Variants in PPFIBP1 observed in about 807,000 individuals in gnomAD.
The protein encoded by PPFIBP1 is PPFIB scaffold protein 1.
PPFIBP1 carries 112 observed loss-of-function variants against 137.8 expected under a neutral mutation model. The ratio of observed to expected loss-of-function variants is 0.81; its 90% CI spans 0.70 to 0.95. The LOEUF is 0.95. PPFIBP1 is among the 40% of genes least tolerant of loss of function. The pLI, the probability that PPFIBP1 is intolerant of heterozygous loss-of-function variation, is 0.00. For synonymous variants in PPFIBP1, 378 were observed against 417.3 expected (o/e 0.91, Z 1.15); for missense variants, 1,083 against 1,196.6 (o/e 0.91, Z 1.40).
At position 27,672,548 on chromosome 12, in the gene PPFIBP1, C is replaced by T. The variant is rs887160699; in HGVS notation, c.1319+65C>T. On this transcript the variant is annotated intron_variant, in intron 15 of 29. Transcript: ENST00000228425. Reference sequence around the variant, plus strand: ...GCTAGAGAAAGAGAGTTCTGTTATACTAACAATTACTAATATTAACAGCAA... The same window carrying T: ...GCTAGAGAAAGAGAGTTCTGTTATATTAACAATTACTAATATTAACAGCAA... 8.8e-6 allele frequency: 10 copies of T among 1,136,164 alleles called. No individual in the cohort carries two copies. In the African/African-American group the frequency reaches 1.2e-4, roughly 14 times the overall value. 70.4% of individuals were successfully genotyped at this position (1,136,164 alleles called of 1,614,324 possible). A position where few individuals can be genotyped will look rare whatever the true frequency, so the allele number is the denominator to read the frequency against.
At chr12:27,681,484 T>G (rs1406240538) in intron 21 of PPFIBP1, 62 bp from the exon 22 acceptor site, 1 of 1,554,902 alleles carries the variant, frequency 6.4e-7, no homozygotes, top group African/African-American at 1.4e-5. Context: ...TGTTTAAAAC[T>G]AATGATAAGC....
At chr12:27,687,978 A>T (rs2061299755) in intron 25 of PPFIBP1, among the ~76,000 whole-genome samples, 1 of 152,086 alleles carries the variant, frequency 6.6e-6, no homozygotes, top group South Asian at 2.1e-4. Context: ...CCAGCTACTC[A>T]GGAGGCTGAG....
chr12:27,578,079 G>A (rs1347201159), intron 1 of PPFIBP1, 73 bp from the exon 2 acceptor site: 2 of 152,098 alleles, frequency 1.3e-5, no homozygotes, highest in African/African-American at 2.4e-5. Flanking sequence ...TATATAATCA[G>A]CCATTTGCCA....
chr12:27,636,318 C>G (rs1177076992), intron 4 of PPFIBP1: 2 of 152,106 alleles, frequency 1.3e-5, no homozygotes, highest in Admixed American at 1.3e-4. Flanking sequence ...ATTTGCTCTA[C>G]AGATTTCTCC....
intron 7 of PPFIBP1, among the ~76,000 whole-genome samples, chr12:27,652,419 GAA>G (rs1303105181): frequency 1.3e-5 from 2 of 152,188 alleles, no homozygotes; most frequent in African/African-American, 2.4e-5. Flanking sequence ...CTCTGAAAGG[GAA>G]AAGAGAAAGG....
At chr12:27,556,224 A>G (rs560045866) in intron 1 of PPFIBP1, among the ~76,000 whole-genome samples, 2 of 152,314 alleles carry the variant, frequency 1.3e-5, no homozygotes, top group Non-Finnish European at 2.9e-5. Flanking sequence ...GATGGCTAAT[A>G]ATATTTTCCA....
intron 10 of PPFIBP1, 30 bp from the exon 11 acceptor site, chr12:27,660,854 A>G: frequency 6.2e-7 from 1 of 1,612,082 alleles, no homozygotes. Context: ...ATGTGAACTG[A>G]ACTGACTTCT....
intron 2 of PPFIBP1, among the ~76,000 whole-genome samples, chr12:27,591,298 C>T (rs373429898): frequency 4.6e-5 from 7 of 152,046 alleles, no homozygotes; most frequent in South Asian, 2.1e-4. Context: ...AGAAGGAGGA[C>T]GTTGAGTGAA....
chr12:27,579,406 A>G (rs2050864295), intron 2 of PPFIBP1, among the ~76,000 whole-genome samples: 1 of 152,236 alleles, frequency 6.6e-6, no homozygotes, highest in Non-Finnish European at 1.5e-5. Flanking sequence ...CAGCACCTTG[A>G]TGAGTAGAAA....
At chr12:27,539,006 C>G (rs1160290143) in intron 1 of PPFIBP1, among the ~76,000 whole-genome samples, 1 of 152,158 alleles carries the variant, frequency 6.6e-6, no homozygotes, top group African/African-American at 2.4e-5. Context: ...GGCTAACCAT[C>G]CTACAATGCA....
At chr12:27,627,681 A>T (rs779709352) in intron 2 of PPFIBP1, among the ~76,000 whole-genome samples, 1 of 152,186 alleles carries the variant, frequency 6.6e-6, no homozygotes, top group South Asian at 2.1e-4. Context: ...GCAAAAAATT[A>T]TGGTGTCCTG....
intron 1 of PPFIBP1, among the ~76,000 whole-genome samples, chr12:27,556,054 A>G (rs2048679405): frequency 6.6e-6 from 1 of 152,220 alleles, no homozygotes; most frequent in Admixed American, 6.5e-5. Flanking sequence ...GAATACATCT[A>G]TTGCTTTTGA....
rs576578655 is a variant in PPFIBP1, at chr12:27,542,704, AT to A, written c.-124+18344del. On this transcript the variant is annotated intron_variant, in intron 1 of 29. Coordinates refer to ENST00000228425, the MANE Select transcript of PPFIBP1 (RefSeq NM_003622.4). ...AAACACTTCTTTATCTGATCTATTT[AT>A]TTTTCTGTTGAGTAGACTTTCTTTT... is the stretch of plus-strand genomic sequence containing the variant. Among the ~76,000 whole-genome samples the A allele has an allele frequency of 2.4e-3, 361 of 152,146 alleles. 1 individual carries two copies. Among genetic ancestry groups the A allele is most frequent in the South Asian group, 7.9e-3 (38 of 4,816 alleles).
rs1240999818 is a variant in PPFIBP1, at chr12:27,644,152, C to T, written c.271-1910C>T. Among the ~76,000 whole-genome samples the T allele has an allele frequency of 2.6e-5, 4 of 151,976 alleles. No individual in the cohort carries two copies. The South Asian group carries it at 8.4e-4, about 32-fold the overall frequency. On this transcript the variant is annotated intron_variant, in intron 4 of 29. Coordinates refer to ENST00000228425, the MANE Select transcript of PPFIBP1 (RefSeq NM_003622.4). The stretch of plus-strand genomic sequence containing the variant: ...AGTGCAGTGGCGCAAACATGGCTGA[C>T]TGTAGCCTCCACCTCCTGGGCTCAA...
At chr12:27,619,362 T>C (rs923101174) in intron 2 of PPFIBP1, among the ~76,000 whole-genome samples, 124 of 152,224 alleles carry the variant, frequency 8.1e-4, no homozygotes, top group Non-Finnish European at 1.6e-3. Flanking sequence ...AGAAAAAGTC[T>C]GTAAATGTTT....
intron 1 of PPFIBP1, among the ~76,000 whole-genome samples, chr12:27,540,211 C>T (rs1012060097): frequency 6.6e-6 from 1 of 151,076 alleles, no homozygotes; most frequent in Non-Finnish European, 1.5e-5. Context: ...CATGTGCCAC[C>T]ATGTCTGGCT....
chr12:27,679,835 G>A, intron 20 of PPFIBP1, 98 bp from the exon 21 acceptor site: 3 of 1,475,650 alleles, frequency 2.0e-6, no homozygotes, highest in East Asian at 2.3e-5. Context: ...AACACAAAGA[G>A]GATTAGTTCC....
chr12:27,636,784 G>T (rs1185464835), intron 4 of PPFIBP1: 3 of 152,200 alleles, frequency 2.0e-5, no homozygotes, highest in Non-Finnish European at 4.4e-5. Context: ...GGCCTCGTAG[G>T]ATTTGCCCCC....
At position 27,691,741 on chromosome 12, in the gene PPFIBP1, T is replaced by G; in HGVS notation, c.2686-8T>G. 1 of 1,601,940 alleles carries G rather than the reference T, an allele frequency of 6.2e-7. No individual in the cohort carries two copies. The highest frequency in any genetic ancestry group is 8.5e-7 in the Non-Finnish European group (1 of 1,174,022). On this transcript the variant is annotated splice_region_variant and splice_polypyrimidine_tract_variant and intron_variant, in intron 27 of 29. Coordinates refer to ENST00000228425, the MANE Select transcript of PPFIBP1 (RefSeq NM_003622.4). ...CTTTGGATGTTTTTGTTTGCTTTTCTTTTAAAGCCAAAGAAACTTGCCTTT... is the reference window on the plus strand; with the variant it reads ...CTTTGGATGTTTTTGTTTGCTTTTCGTTTAAAGCCAAAGAAACTTGCCTTT...
Sources: gnomAD v4.1 joint callset for allele counts (sites outside exome capture counted in the v4.1 genomes callset) on GRCh38, gnomAD v4.1.1 for gene constraint, MANE v1.5 for transcripts, NCBI Gene and HGNC (gene_info 2026-07-23, HGNC 2026-07-21) for gene names.